The following ERAP1 variants were observed in gnomAD, a reference collection of about 807,000 sequenced individuals.
ERAP1 encodes the protein adipocyte-derived leucine aminopeptidase.
Under a neutral mutation model 103.7 loss-of-function variants are expected in ERAP1, and 86 were observed. That is an observed-to-expected ratio of 0.83 (90% CI 0.70 to 0.99). ERAP1 has a LOEUF of 0.99. ERAP1 is among the 50% of genes least tolerant of loss of function. The pLI, the probability that ERAP1 is intolerant of heterozygous loss-of-function variation, is 0.00. For missense variants in ERAP1, 1,009 were observed against 1,128.4 expected, an observed-to-expected ratio of 0.89 and a Z score of 1.52; for synonymous variants, 398 against 402.4, an observed-to-expected ratio of 0.99 and a Z score of 0.13.
At chr5:96,771,650 G>A, downstream of ERAP1, 3 of 1,612,024 alleles carry the variant, frequency 1.9e-6, no homozygotes, top group South Asian at 2.2e-5. Flanking sequence ...TTAGACAACA[G>A]AGGAAACTTC....
the ERAP1 span, among the ~76,000 whole-genome samples, chr5:96,837,169 C>T: frequency 6.6e-6 from 1 of 152,096 alleles, no homozygotes; most frequent in African/African-American, 2.4e-5. Context: ...TTCCACTGGA[C>T]ACACTTTAAA....
chr5:96,830,771 T>C, the ERAP1 span, among the ~76,000 whole-genome samples: 1 of 152,200 alleles, frequency 6.6e-6, no homozygotes, highest in African/African-American at 2.4e-5. Flanking sequence ...TGATTGCCTC[T>C]GGAGAGGAAG....
At chr5:96,855,869 T>C in the ERAP1 span, among the ~76,000 whole-genome samples, 1 of 152,164 alleles carries the variant, frequency 6.6e-6, no homozygotes, top group Non-Finnish European at 1.5e-5. Context: ...TGCAAGTATA[T>C]ACACACATAC....
intron 3 of ERAP1, among the ~76,000 whole-genome samples, chr5:96,798,871 C>CTTTTTTTT (rs10646647): frequency 0.018 from 2,239 of 124,760 alleles, 159 homozygotes; most frequent in African/African-American, 0.04. Flanking sequence ...CAAAAATTTC[C>CTTTTTTTT]TTTTTTTTTT....
chr5:96,824,165 T>C, the ERAP1 span, among the ~76,000 whole-genome samples: 1 of 152,242 alleles, frequency 6.6e-6, no homozygotes, highest in African/African-American at 2.4e-5. Flanking sequence ...AGATTGACTT[T>C]GGGTAACTGA....
chr5:96,764,453 C>T (rs766393309), intron 19 of ERAP1, among the ~76,000 whole-genome samples: 1 of 152,162 alleles, frequency 6.6e-6, no homozygotes, highest in African/African-American at 2.4e-5. Flanking sequence ...AATACCAGCT[C>T]CCATTTCTGC....
At chr5:96,839,424 C>T in the ERAP1 span, among the ~76,000 whole-genome samples, 1 of 152,174 alleles carries the variant, frequency 6.6e-6, no homozygotes, top group African/African-American at 2.4e-5. Context: ...TTAGCATAAA[C>T]TCAAGTGTGG....
At chr5:96,878,956 T>C in the ERAP1 span, among the ~76,000 whole-genome samples, 1 of 152,010 alleles carries the variant, frequency 6.6e-6, no homozygotes, top group Non-Finnish European at 1.5e-5. Context: ...AAAAATAAAG[T>C]AGGCTGGTCA....
intron 7 of ERAP1, among the ~76,000 whole-genome samples, chr5:96,792,431 A>T (rs1190389451): frequency 6.6e-6 from 1 of 152,228 alleles, no homozygotes; most frequent in Admixed American, 6.5e-5. Context: ...TTTAGAATAA[A>T]GAAAATTTCG....
the ERAP1 span, chr5:96,935,098 G>C: frequency 6.6e-6 from 1 of 152,406 alleles, no homozygotes. Context: ...GGGGCGACTA[G>C]GGGAGTTTCG....
the ERAP1 span, chr5:96,935,373 A>G: frequency 2.0e-5 from 3 of 152,120 alleles, no homozygotes; most frequent in Non-Finnish European, 4.4e-5. Flanking sequence ...TCTCCTCCTC[A>G]CCGCCCTCCT....
chr5:96,889,835 C>T, the ERAP1 span, among the ~76,000 whole-genome samples: 2 of 37,686 alleles, frequency 5.3e-5, no homozygotes, highest in South Asian at 8.8e-4. Flanking sequence ...AATACATACA[C>T]ACACACACAC....
At chr5:96,827,295 A>T in the ERAP1 span, among the ~76,000 whole-genome samples, 1 of 152,228 alleles carries the variant, frequency 6.6e-6, no homozygotes, top group East Asian at 1.9e-4. Flanking sequence ...CCCTTTTAAA[A>T]AGTCAGTTGG....
the ERAP1 span, among the ~76,000 whole-genome samples, chr5:96,878,382 G>A: frequency 7.2e-6 from 1 of 138,146 alleles, no homozygotes; most frequent in African/African-American, 2.7e-5. Flanking sequence ...ATTGAAAGAG[G>A]TGAAGTTCAA....
chr5:96,802,336 T>C (rs1302792767), intron 2 of ERAP1, among the ~76,000 whole-genome samples: 2 of 151,920 alleles, frequency 1.3e-5, no homozygotes, highest in African/African-American at 4.8e-5. Context: ...TCCCAACATA[T>C]TAAGTTAAAA....
the ERAP1 span, chr5:96,881,173 A>G: frequency 3.1e-6 from 1 of 318,144 alleles, no homozygotes; most frequent in East Asian, 8.5e-5. Flanking sequence ...GAAATGGGAA[A>G]TCACTGGAGG....
At chr5:96,895,402 A>AT in the ERAP1 span, 1 of 1,292,438 alleles carries the variant, frequency 7.7e-7, no homozygotes. Flanking sequence ...GGTGTAAAGA[A>AT]TCATCAATTC....
chr5:96,765,398 T>G, intron 19 of ERAP1: 1 of 736,978 alleles, frequency 1.4e-6, no homozygotes, highest in Non-Finnish European at 2.3e-6. Context: ...GACTCTGTCA[T>G]TGTCATAGGA....
chr5:96,771,708 T>C, downstream of ERAP1: 1 of 1,587,890 alleles, frequency 6.3e-7, no homozygotes, highest in African/African-American at 1.3e-5. Flanking sequence ...ATCTGGTAAG[T>C]TGGGTGTTTA....
Sources: gnomAD v4.1 joint callset for allele counts (sites outside exome capture counted in the v4.1 genomes callset) on GRCh38, gnomAD v4.1.1 for gene constraint, MANE v1.5 for transcripts, NCBI Gene and HGNC (gene_info 2026-07-23, HGNC 2026-07-21) for gene names.